Variants in VSTM4 observed in about 807,000 individuals in gnomAD.
The protein encoded by VSTM4 is V-set and transmembrane domain containing 4.
Under a neutral mutation model 36.4 loss-of-function variants are expected in VSTM4, and 20 were observed. That is an observed-to-expected ratio of 0.55 (90% CI 0.39 to 0.80). The LOEUF is 0.80. Among genes scored for constraint, VSTM4 ranks in the 30% least tolerant of loss-of-function variants. The pLI is 0.00. For missense variants in VSTM4, 392 were observed against 404.5 expected, an observed-to-expected ratio of 0.97 and a Z score of 0.26; for synonymous variants, 182 against 173.9, an observed-to-expected ratio of 1.05 and a Z score of -0.37.
rs534209373 is a variant in VSTM4, at chr10:49,035,912, C to T, written c.837+11071G>A. 7.2e-5 allele frequency among the ~76,000 whole-genome samples: 11 copies of T among 152,182 alleles called. No homozygotes were observed. In the South Asian group the frequency reaches 2.3e-3, roughly 32 times the overall value. On this transcript the variant is annotated intron_variant, in intron 7 of 7. Transcript: ENST00000332853. ...GCCCACCTTCAACAAAATTGGAGCC[C>T]CAGTGAATTTCTATTGGTCTCTGAC...
chr10:49,038,405 T>G (rs919505876), intron 7 of VSTM4, among the ~76,000 whole-genome samples: 2 of 152,126 alleles, frequency 1.3e-5, no homozygotes, highest in African/African-American at 2.4e-5. Context: ...GCTAAAGCAG[T>G]CAAATTCATT....
At chr10:49,090,429 C>T (rs79975322) in intron 2 of VSTM4, among the ~76,000 whole-genome samples, 3,422 of 152,286 alleles carry the variant, frequency 0.022, 59 homozygotes, top group Non-Finnish European at 0.032. Context: ...AGCCCAATCC[C>T]CCAAAGAGGA....
chr10:49,057,022 G>A (rs193275046), intron 5 of VSTM4, among the ~76,000 whole-genome samples: 2 of 151,984 alleles, frequency 1.3e-5, no homozygotes, highest in East Asian at 1.9e-4. Context: ...AGAGAAAGAC[G>A]GAGGAGGGGC....
intron 1 of VSTM4, among the ~76,000 whole-genome samples, chr10:49,112,783 G>T (rs896512703): frequency 6.6e-6 from 1 of 152,230 alleles, no homozygotes; most frequent in Non-Finnish European, 1.5e-5. Flanking sequence ...TCCCACAAGC[G>T]ATGTAGCTGG....
intron 2 of VSTM4, among the ~76,000 whole-genome samples, chr10:49,097,457 AAAG>A (rs1210034522): frequency 6.6e-6 from 1 of 152,168 alleles, no homozygotes; most frequent in Non-Finnish European, 1.5e-5. Flanking sequence ...AGGTAAAAAA[AAAG>A]GACAGAACAC....
chr10:49,023,470 AT>A (rs1843211526), intron 7 of VSTM4, among the ~76,000 whole-genome samples: 1 of 152,196 alleles, frequency 6.6e-6, no homozygotes, highest in Non-Finnish European at 1.5e-5. Context: ...CTTAGAGAAA[AT>A]TTTTGGCACA....
At chr10:49,080,314 G>C (rs566534683) in intron 3 of VSTM4, among the ~76,000 whole-genome samples, 1 of 152,320 alleles carries the variant, frequency 6.6e-6, no homozygotes, top group South Asian at 2.1e-4. Context: ...AGCAGGTCAG[G>C]CTTATGGTTA....
At chr10:49,040,298 T>G (rs193220796) in intron 7 of VSTM4, among the ~76,000 whole-genome samples, 23 of 152,328 alleles carry the variant, frequency 1.5e-4, no homozygotes, top group African/African-American at 5.3e-4. Flanking sequence ...CTTCTTTTTT[T>G]TTGAGACACA....
chr10:49,019,860 T>C, intron 7 of VSTM4, 85 bp from the exon 8 acceptor site: 1 of 1,492,328 alleles, frequency 6.7e-7, no homozygotes, highest in Non-Finnish European at 8.9e-7. Flanking sequence ...AGTATGCATG[T>C]TCATAGCATT....
At chr10:49,082,667 C>T (rs1015739315) in intron 3 of VSTM4, among the ~76,000 whole-genome samples, 2 of 152,220 alleles carry the variant, frequency 1.3e-5, no homozygotes, top group Non-Finnish European at 2.9e-5. Flanking sequence ...AAGAGCAAAA[C>T]TCCATCAAAA....
rs1474059548 is a variant in VSTM4 at position 49,099,559 on chromosome 10, T to G, written c.457+8035A>C. On this transcript the variant is annotated intron_variant, in intron 2 of 7. Transcript: ENST00000332853. ...AAACCTAACATTGACCCTCATGATT[T>G]CCACTAGAAACCTCTCCAGGGGTTT... Among the ~76,000 whole-genome samples the G allele has an allele frequency of 2.0e-5, 3 of 152,228 alleles. No homozygotes were observed. The East Asian group carries it at 5.8e-4, about 29-fold the overall frequency.
chr10:49,054,048 C>T (rs890303390), intron 5 of VSTM4, among the ~76,000 whole-genome samples: 2 of 152,188 alleles, frequency 1.3e-5, no homozygotes, highest in Non-Finnish European at 2.9e-5. Flanking sequence ...GCTTGGTATC[C>T]GTGACCTCTG....
chr10:49,047,709 C>A (rs1334480335), intron 6 of VSTM4, among the ~76,000 whole-genome samples: 1 of 152,182 alleles, frequency 6.6e-6, no homozygotes, highest in East Asian at 1.9e-4. Context: ...TACAACCACA[C>A]CCTCCAGCCC....
rs1331188762 is a variant in VSTM4 at position 49,077,369 on chromosome 10, C to T, written c.527-43G>A. On this transcript the variant is annotated intron_variant, in intron 3 of 7. Coordinates refer to ENST00000332853, the MANE Select transcript of VSTM4 (RefSeq NM_001031746.5). The stretch of plus-strand genomic sequence containing the variant: ...ACACGTGAGTCAGCCTTCTGGGGGC[C>T]GCAGCAGAAGTGCGCTGGCAAGAGA... 1.2e-5 allele frequency: 19 copies of T among 1,582,172 alleles called. 1 individual carries two copies. The highest frequency in any genetic ancestry group is 1.7e-4 in the Middle Eastern group (1 of 6,026).
At chr10:49,030,856 C>T (rs1279841713) in intron 7 of VSTM4, among the ~76,000 whole-genome samples, 1 of 152,182 alleles carries the variant, frequency 6.6e-6, no homozygotes, top group African/African-American at 2.4e-5. Context: ...CAGACAGATG[C>T]CTGTCAATGT....
At chr10:49,075,229 C>T (rs965221168) in intron 4 of VSTM4, among the ~76,000 whole-genome samples, 1 of 152,232 alleles carries the variant, frequency 6.6e-6, no homozygotes, top group Non-Finnish European at 1.5e-5. Flanking sequence ...CTTCTTGGCC[C>T]TTCTTTGTTT....
At chr10:49,065,778 G>A (rs984972030) in intron 4 of VSTM4, among the ~76,000 whole-genome samples, 2 of 152,172 alleles carry the variant, frequency 1.3e-5, no homozygotes, top group African/African-American at 4.8e-5. Context: ...GCAGATAATA[G>A]TTGCTTTAAG....
chr10:49,067,708 T>A (rs1241320337), intron 4 of VSTM4, among the ~76,000 whole-genome samples: 3 of 152,180 alleles, frequency 2.0e-5, no homozygotes, highest in African/African-American at 4.8e-5. Flanking sequence ...AGATAATAAA[T>A]TTCTGTTGTT....
intron 7 of VSTM4, among the ~76,000 whole-genome samples, chr10:49,035,845 A>G (rs1843421841): frequency 6.6e-6 from 1 of 152,106 alleles, no homozygotes; most frequent in Non-Finnish European, 1.5e-5. Context: ...CAAAAAAAAT[A>G]ATAAATAAAT....
Sources: allele counts gnomAD v4.1 joint callset (sites outside exome capture counted in the v4.1 genomes callset), GRCh38; gene constraint gnomAD v4.1.1; transcripts MANE v1.5; gene names NCBI Gene and HGNC (gene_info 2026-07-23, HGNC 2026-07-21).